The following SPN variants were observed in gnomAD, a reference collection of about 807,000 sequenced individuals.
The protein encoded by SPN is sialophorin.
In SPN, 6 loss-of-function variants were observed where a neutral mutation model predicts 8.4. The ratio of observed to expected loss-of-function variants is 0.72; its 90% CI spans 0.39 to 1.42. SPN has a LOEUF of 1.42. Among genes scored for constraint, SPN ranks in the 40% most tolerant of loss-of-function variants. SPN has a pLI of 0.02. For synonymous variants in SPN, 201 were observed against 222.6 expected (o/e 0.90, Z 0.86); for missense variants, 517 against 530.6 (o/e 0.97, Z 0.25).
chr16:29,663,921 C>A lies in SPN; in HGVS notation c.193C>A (p.Leu65Ile). 6.2e-7 allele frequency: 1 copy of A among 1,614,088 alleles called. No homozygotes were observed. The highest frequency in any genetic ancestry group is 8.5e-7 in the Non-Finnish European group (1 of 1,179,996). ...ADSTGDQTSA[L>I]PPSTSINEGS... ...CAGCACTGGGGACCAGACCTCAGCC[C>A]TACCTCCCTCAACTTCCATCAATGA... Residue 65 changes from leucine (L) to isoleucine (I), a missense_variant, in exon 2 of 2, where the codon CTA (leucine) becomes ATA (isoleucine). Transcript: ENST00000652691. The surrounding 1 kb of genome is among the most constrained non-coding windows in gnomAD (Gnocchi z 4.3).
rs1368270030 is a variant in SPN at position 29,664,825 on chromosome 16, G to A, written c.1097G>A (p.Gly366Asp). 1 of 1,501,296 alleles carries A rather than the reference G, an allele frequency of 6.7e-7. No individual in the cohort carries two copies. The highest frequency in any genetic ancestry group is 2.4e-5 in the Admixed American group (1 of 40,848). The allele number at this position is 1,501,296 out of a possible 1,614,324, so 93.0% of individuals were successfully genotyped here. A position where few individuals can be genotyped will look rare whatever the true frequency, so the allele number is the denominator to read the frequency against. ...ATGGAGGAGCTGAAGTCTGGGTCAG[G>A]CCCCAGCCTCAAAGGGGAGGAGGAG... ...LAMEELKSGS[G>D]PSLKGEEEPL... The change falls in exon 2 of 2, where the codon GGC becomes GAC. Residue 366 changes from glycine to aspartate, a missense_variant. Transcript: ENST00000652691. The surrounding 1 kb of genome is among the most constrained non-coding windows in gnomAD (Gnocchi z 6.4).
Position 29,663,681 on chromosome 16 carries a change from C to T in SPN, c.-34-14C>T, listed in dbSNP as rs752504383. On this transcript the variant is annotated splice_polypyrimidine_tract_variant and intron_variant, in intron 1 of 1. Transcript: ENST00000652691. This position sits in a 1 kb window ranked among gnomAD's most constrained non-coding sequence, Gnocchi z 4.3. ...ACTCCCGCGTGTTCTGCTTCTCCGG[C>T]TGCCCACCTGCAGGTCCCAGCTCTT... 6.6e-6 allele frequency: 10 copies of T among 1,517,412 alleles called. No homozygotes were observed. Among genetic ancestry groups the T allele is most frequent in the Non-Finnish European group, 8.8e-6 (10 of 1,136,548 alleles). 94.0% of individuals were successfully genotyped at this position (1,517,412 alleles called of 1,614,324 possible).
At position 29,667,995 on chromosome 16, in the gene SPN, CAT is replaced by C. The variant is rs566383244; in HGVS notation, c.*3065_*3066del. 796 of 166,920 alleles carry C rather than the reference CAT, an allele frequency of 4.8e-3. No individual in the cohort carries two copies. The highest frequency in any genetic ancestry group is 5.5e-3 in the Non-Finnish European group (377 of 68,122). 10.3% of individuals were successfully genotyped at this position (166,920 alleles called of 1,614,324 possible). A position where few individuals can be genotyped will look rare whatever the true frequency, so the allele number is the denominator to read the frequency against. On this transcript the variant is annotated 3_prime_UTR_variant, in exon 2 of 2. Transcript: ENST00000652691. ...GTGTGCGCATGTGTGTGTGTGCGCG[CAT>C]GTGTGTGTGCATGCATGTTCTCCCA... is the stretch of plus-strand genomic sequence containing the variant.
rs1966840730 is a variant in SPN at position 29,668,719 on chromosome 16, A to G, written c.*3788A>G. On this transcript the variant is annotated 3_prime_UTR_variant, in exon 2 of 2. Coordinates refer to ENST00000652691, the MANE Select transcript of SPN (RefSeq NM_003123.6). ...CACCTAAGCTTCCCCAAATACTGGGATTATAGGTGTGAGCCACTGTGCCCA... is the reference window on the plus strand; with the variant it reads ...CACCTAAGCTTCCCCAAATACTGGGGTTATAGGTGTGAGCCACTGTGCCCA... 1 of 166,850 alleles carries G rather than the reference A, an allele frequency of 6.0e-6. No homozygotes were observed. Among genetic ancestry groups the G allele is most frequent in the African/African-American group, 2.4e-5 (1 of 41,302 alleles). The allele number at this position is 166,850 out of a possible 1,614,324, so 10.3% of individuals were successfully genotyped here.
chr16:29,667,912 A>G lies in SPN; in HGVS notation c.*2981A>G, dbSNP rs543155864. On this transcript the variant is annotated 3_prime_UTR_variant, in exon 2 of 2. Transcript: ENST00000652691. ...TGTGCACATATGTGTGTACGTGTGC[A>G]TGTGCGTGCGTGCATGTGCGTGCGT... 3 of 166,502 alleles carry G rather than the reference A, an allele frequency of 1.8e-5. No individual in the cohort carries two copies. Among genetic ancestry groups the G allele is most frequent in the South Asian group, 2.1e-4 (1 of 4,816 alleles). The allele number at this position is 166,502 out of a possible 1,614,324, so 10.3% of individuals were successfully genotyped here.
At position 29,670,768 on chromosome 16, in the gene SPN, C is replaced by T; in HGVS notation, c.*5837C>T. 2.2e-6 allele frequency: 1 copy of T among 455,976 alleles called. No homozygotes were observed. The highest frequency in any genetic ancestry group is 1.5e-5 in the South Asian group (1 of 64,552). The allele number at this position is 455,976 out of a possible 1,614,324, so 28.2% of individuals were successfully genotyped here. A position where few individuals can be genotyped will look rare whatever the true frequency, so the allele number is the denominator to read the frequency against. ...GGACCCATCGCAAATGTTTTCCATG[C>T]TGATCTCCAAAGTGGTGAGTTTATG... On this transcript the variant is annotated 3_prime_UTR_variant, in exon 2 of 2. Transcript: ENST00000652691.
rs1398184777 is a variant in SPN, at chr16:29,665,756, C to T, written c.*825C>T. ...GCAAGGGCTGTGGAACCTGGGCAGC[C>T]CGCAACCACCTTTAGCTCTGGGCCC... On this transcript the variant is annotated 3_prime_UTR_variant, in exon 2 of 2. Transcript: ENST00000652691. The T allele has an allele frequency of 6.0e-6, 1 of 167,032 alleles. No homozygotes were observed. Among genetic ancestry groups the T allele is most frequent in the Admixed American group, 6.5e-5 (1 of 15,284 alleles). 10.3% of individuals were successfully genotyped at this position (167,032 alleles called of 1,614,324 possible).
At position 29,666,548 on chromosome 16, in the gene SPN, ACACACG is replaced by A. The variant is rs1391643663; in HGVS notation, c.*1619_*1624del. The A allele has an allele frequency of 5.6e-5, 10 of 177,108 alleles. No homozygotes were observed. The highest frequency in any genetic ancestry group is 2.2e-4 in the African/African-American group (8 of 36,764). 11.0% of individuals were successfully genotyped at this position (177,108 alleles called of 1,614,324 possible). On this transcript the variant is annotated 3_prime_UTR_variant, in exon 2 of 2. Transcript: ENST00000652691. ...CTCACACACACACACACACACACAC[ACACACG>A]CGCGCGCGCGCGCGCTCTCCTGCGA...
Position 29,667,272 on chromosome 16 carries a change from C to T in SPN, c.*2341C>T, listed in dbSNP as rs187406712. Reference sequence around the variant, plus strand: ...TGTCTTAGAGTTGTTAAAATAAGAGCCCCCATATCAGGTTTAGAAAATACT... The same window carrying T: ...TGTCTTAGAGTTGTTAAAATAAGAGTCCCCATATCAGGTTTAGAAAATACT... On this transcript the variant is annotated 3_prime_UTR_variant, in exon 2 of 2. Coordinates refer to ENST00000652691, the MANE Select transcript of SPN (RefSeq NM_003123.6). 2 of 288,898 alleles carry T rather than the reference C, an allele frequency of 6.9e-6. No homozygotes were observed. Among genetic ancestry groups the T allele is most frequent in the African/African-American group, 4.3e-5 (2 of 46,002 alleles). The allele number at this position is 288,898 out of a possible 1,614,324, so 17.9% of individuals were successfully genotyped here. A position where few individuals can be genotyped will look rare whatever the true frequency, so the allele number is the denominator to read the frequency against.
chr16:29,665,102 C>A lies in SPN; in HGVS notation c.*171C>A. 1 of 744,380 alleles carries A rather than the reference C, an allele frequency of 1.3e-6. No individual in the cohort carries two copies. Among genetic ancestry groups the A allele is most frequent in the Non-Finnish European group, 1.9e-6 (1 of 529,274 alleles). 46.1% of individuals were successfully genotyped at this position (744,380 alleles called of 1,614,324 possible). A position where few individuals can be genotyped will look rare whatever the true frequency, so the allele number is the denominator to read the frequency against. ...ACAGAGTTTCGCTTTGTCGCCCAGG[C>A]TGGAGTGCAATGCACGATCTCAGTT... On this transcript the variant is annotated 3_prime_UTR_variant, in exon 2 of 2. Coordinates refer to ENST00000652691, the MANE Select transcript of SPN (RefSeq NM_003123.6).
At position 29,666,591 on chromosome 16, in the gene SPN, G is replaced by A. The variant is rs1966820741; in HGVS notation, c.*1660G>A. The A allele has an allele frequency of 3.8e-6, 1 of 260,644 alleles. No homozygotes were observed. The highest frequency in any genetic ancestry group is 8.2e-6 in the Non-Finnish European group (1 of 122,486). 16.1% of individuals were successfully genotyped at this position (260,644 alleles called of 1,614,324 possible). On this transcript the variant is annotated 3_prime_UTR_variant, in exon 2 of 2. Transcript: ENST00000652691. ...GCGCTCTCCTGCGAACAGAGGCAGG[G>A]GGAGAGGGGTTTGCCCTGGTCTCGG... is the stretch of plus-strand genomic sequence containing the variant.
rs1555490176 is a variant in SPN at position 29,666,552 on chromosome 16, A to ACGCGCGCGCGCGCGCGCG, written c.*1638_*1639insGCGCGCGCGCGCGCGCGC. Reference sequence around the variant, plus strand: ...CACACACACACACACACACACACACACGCGCGCGCGCGCGCGCTCTCCTGC... The same window carrying ACGCGCGCGCGCGCGCGCG: ...CACACACACACACACACACACACACACGCGCGCGCGCGCGCGCGCGCGCGCGCGCGCGCGCTCTCCTGC... On this transcript the variant is annotated 3_prime_UTR_variant, in exon 2 of 2. Coordinates refer to ENST00000652691, the MANE Select transcript of SPN (RefSeq NM_003123.6). The ACGCGCGCGCGCGCGCGCG allele has an allele frequency of 1.4e-5, 2 of 141,258 alleles. No individual in the cohort carries two copies. The highest frequency in any genetic ancestry group is 2.8e-5 in the Non-Finnish European group (2 of 70,704). The allele number at this position is 141,258 out of a possible 1,614,324, so 8.8% of individuals were successfully genotyped here. A position where few individuals can be genotyped will look rare whatever the true frequency, so the allele number is the denominator to read the frequency against.
rs941341578 is a variant in SPN, at chr16:29,666,914, G to A, written c.*1983G>A. The A allele has an allele frequency of 2.1e-6, 1 of 470,788 alleles. No homozygotes were observed. 29.2% of individuals were successfully genotyped at this position (470,788 alleles called of 1,614,324 possible). A position where few individuals can be genotyped will look rare whatever the true frequency, so the allele number is the denominator to read the frequency against. On this transcript the variant is annotated 3_prime_UTR_variant, in exon 2 of 2. Coordinates refer to ENST00000652691, the MANE Select transcript of SPN (RefSeq NM_003123.6). ...TTTCAAAGAGGAAGTTGTTGAGTTA[G>A]AGCTTGCGGTGGCTGAGAGCAGACA... is the stretch of plus-strand genomic sequence containing the variant.
In SPN at chr16:29,667,929, T is replaced by C. The variant is rs1436548341; in HGVS notation, c.*2998T>C. 2 of 166,788 alleles carry C rather than the reference T, an allele frequency of 1.2e-5. No homozygotes were observed. The highest frequency in any genetic ancestry group is 2.4e-5 in the African/African-American group (1 of 41,450). The allele number at this position is 166,788 out of a possible 1,614,324, so 10.3% of individuals were successfully genotyped here. On this transcript the variant is annotated 3_prime_UTR_variant, in exon 2 of 2. Transcript: ENST00000652691. ...ACGTGTGCATGTGCGTGCGTGCATG[T>C]GCGTGCGTGCATGTGCCTGTGTGTG...
rs775458044 is a variant in SPN at position 29,664,057 on chromosome 16, C to T, written c.329C>T (p.Pro110Leu). The T allele has an allele frequency of 6.2e-7, 1 of 1,614,034 alleles. No individual in the cohort carries two copies. Among genetic ancestry groups the T allele is most frequent in the South Asian group, 1.1e-5 (1 of 91,076 alleles). The part of the protein sequence containing the change: ...IKMSSVPQET[P>L]HATSHPAVPI... ...ATGTCATCAGTGCCCCAGGAAACCCCTCATGCAACCAGTCATCCTGCTGTT... is the reference window on the plus strand; with the variant it reads ...ATGTCATCAGTGCCCCAGGAAACCCTTCATGCAACCAGTCATCCTGCTGTT... The change falls in exon 2 of 2, where the codon CCT (proline) becomes CTT (leucine). Residue 110 changes from proline (P) to leucine (L), a missense_variant. Pro to Leu is a moderately conservative substitution (Grantham distance 98). Transcript: ENST00000652691. This position sits in a 1 kb window ranked among gnomAD's most constrained non-coding sequence, Gnocchi z 6.4.
chr16:29,666,780 G>A lies in SPN; in HGVS notation c.*1849G>A. The A allele has an allele frequency of 2.4e-6, 1 of 413,912 alleles. No individual in the cohort carries two copies. Among genetic ancestry groups the A allele is most frequent in the Admixed American group, 2.7e-5 (1 of 37,384 alleles). 25.6% of individuals were successfully genotyped at this position (413,912 alleles called of 1,614,324 possible). The stretch of plus-strand genomic sequence containing the variant: ...CAGGGACTTCCCCTGTGGGGCCTGG[G>A]TGGAGAGGGGAGAACTCAATGGTGC... On this transcript the variant is annotated 3_prime_UTR_variant, in exon 2 of 2. Transcript: ENST00000652691.
In SPN at chr16:29,664,137, A is replaced by G. The variant is rs755341570; in HGVS notation, c.409A>G (p.Thr137Ala). ...CACCGTGACAGGTGGAACCATAACA[A>G]CGAACTCTCCAGAAACCTCCAGTAG... ...SHTVTGGTITTNSPETSSRTS... is the reference protein window; with the variant it reads ...SHTVTGGTITANSPETSSRTS... The change falls in exon 2 of 2, where the codon ACG becomes GCG. Residue 137 changes from threonine (T) to alanine (A), a missense_variant. Thr to Ala is a moderately conservative substitution (Grantham distance 58, BLOSUM62 0). Coordinates refer to ENST00000652691, the MANE Select transcript of SPN (RefSeq NM_003123.6). This position sits in a 1 kb window ranked among gnomAD's most constrained non-coding sequence, Gnocchi z 6.4. 1 of 1,613,946 alleles carries G rather than the reference A, an allele frequency of 6.2e-7. No homozygotes were observed.
rs1427589818 is a variant in SPN at position 29,668,844 on chromosome 16, T to C, written c.*3913T>C. 6.8e-6 allele frequency: 1 copy of C among 147,470 alleles called. No individual in the cohort carries two copies. Among genetic ancestry groups the C allele is most frequent in the African/African-American group, 2.6e-5 (1 of 38,486 alleles). 9.1% of individuals were successfully genotyped at this position (147,470 alleles called of 1,614,324 possible). On this transcript the variant is annotated 3_prime_UTR_variant, in exon 2 of 2. Transcript: ENST00000652691. ...GGGATAGCAGGTGGAAATACATAAT[T>C]AAAAAAAAAAAACGTGGAGCAGATC... is the stretch of plus-strand genomic sequence containing the variant.
chr16:29,667,330 A>C lies in SPN; in HGVS notation c.*2399A>C. The stretch of plus-strand genomic sequence containing the variant: ...AACGAACGTCGCTGTCCTCAGCTCC[A>C]CCTCCCTTTCCTTTGACAGATATGG... On this transcript the variant is annotated 3_prime_UTR_variant, in exon 2 of 2. Transcript: ENST00000652691. 1 of 232,040 alleles carries C rather than the reference A, an allele frequency of 4.3e-6. No homozygotes were observed. The highest frequency in any genetic ancestry group is 6.2e-5 in the South Asian group (1 of 16,124). The allele number at this position is 232,040 out of a possible 1,614,324, so 14.4% of individuals were successfully genotyped here. A position where few individuals can be genotyped will look rare whatever the true frequency, so the allele number is the denominator to read the frequency against.
Sources: allele counts gnomAD v4.1 joint callset, GRCh38; gene constraint gnomAD v4.1.1; non-coding constraint Gnocchi (gnomAD v3.1); transcripts MANE v1.5; gene names NCBI Gene and HGNC (gene_info 2026-07-23, HGNC 2026-07-21).